The following ASIC2 variants were observed in gnomAD, a reference collection of about 807,000 sequenced individuals.
The protein encoded by ASIC2 is acid-sensing ion channel 2.
In ASIC2, 25 loss-of-function variants were observed where a neutral mutation model predicts 57.3. That is an observed-to-expected ratio of 0.44 (90% CI 0.32 to 0.61). ASIC2 has a LOEUF of 0.61. ASIC2 is among the 20% of genes least tolerant of loss of function. The pLI is 0.06. For synonymous variants in ASIC2, 319 were observed against 307.5 expected (o/e 1.04, Z -0.39); for missense variants, 641 against 738.1 (o/e 0.87, Z 1.52).
At chr17:33,289,269 G>A (rs779516810) in intron 1 of ASIC2, among the ~76,000 whole-genome samples, 2 of 152,212 alleles carry the variant, frequency 1.3e-5, no homozygotes, top group African/African-American at 2.4e-5. Context: ...GGAGGTAAGA[G>A]AAGGGTGTGC....
chr17:33,788,062 G>A (rs1226178537), intron 1 of ASIC2, among the ~76,000 whole-genome samples: 1 of 152,030 alleles, frequency 6.6e-6, no homozygotes. Flanking sequence ...TTGACAAATG[G>A]GATCTAATTA....
intron 1 of ASIC2, among the ~76,000 whole-genome samples, chr17:33,810,890 C>CACAT (rs1397568340): frequency 2.0e-5 from 3 of 151,776 alleles, no homozygotes; most frequent in Non-Finnish European, 4.4e-5. Flanking sequence ...CACACACACA[C>CACAT]ACACACGTGC....
chr17:33,549,721 A>T (rs1011759620), intron 1 of ASIC2, among the ~76,000 whole-genome samples: 2 of 152,124 alleles, frequency 1.3e-5, no homozygotes, highest in Non-Finnish European at 2.9e-5. Flanking sequence ...TCCTTTAGGG[A>T]AATCTGTGAA....
chr17:33,979,770 C>T (rs1443660286), intron 1 of ASIC2, among the ~76,000 whole-genome samples: 7 of 152,272 alleles, frequency 4.6e-5, no homozygotes, highest in African/African-American at 1.2e-4. Context: ...AAGTGGCCAG[C>T]CCTTGACCTA....
intron 1 of ASIC2, among the ~76,000 whole-genome samples, chr17:33,537,891 G>T (rs963577423): frequency 6.6e-6 from 1 of 152,216 alleles, no homozygotes; most frequent in Non-Finnish European, 1.5e-5. Flanking sequence ...GATCTAGATA[G>T]ATTTAGCCTA....
intron 1 of ASIC2, among the ~76,000 whole-genome samples, chr17:33,575,579 T>C (rs970074204): frequency 2.6e-5 from 4 of 152,098 alleles, no homozygotes; most frequent in Non-Finnish European, 5.9e-5. Context: ...CTACCTATGG[T>C]TTGTCCTCTT....
At chr17:33,635,859 T>C (rs1479451546) in intron 1 of ASIC2, among the ~76,000 whole-genome samples, 6 of 152,074 alleles carry the variant, frequency 3.9e-5, no homozygotes, top group African/African-American at 1.4e-4. Context: ...CACATAAGGG[T>C]ATGCTAAGGC....
chr17:33,494,934 C>T (rs1913879894), intron 1 of ASIC2, among the ~76,000 whole-genome samples: 1 of 152,188 alleles, frequency 6.6e-6, no homozygotes, highest in Admixed American at 6.5e-5. Context: ...TGCTGTGCTC[C>T]AGGGTCTCTC....
At chr17:33,872,290 G>A (rs1394479878) in intron 1 of ASIC2, among the ~76,000 whole-genome samples, 1 of 152,096 alleles carries the variant, frequency 6.6e-6, no homozygotes, top group Non-Finnish European at 1.5e-5. Context: ...CAAGATAGAG[G>A]GAAGCCAAGA....
intron 3 of ASIC2, among the ~76,000 whole-genome samples, chr17:33,078,586 C>G (rs892033575): frequency 6.6e-6 from 1 of 152,206 alleles, no homozygotes; most frequent in African/African-American, 2.4e-5. Flanking sequence ...TGCTACCAGA[C>G]AAATAATAGC....
chr17:33,978,559 G>A (rs75212979), intron 1 of ASIC2, among the ~76,000 whole-genome samples: 1,556 of 152,350 alleles, frequency 0.01, 9 homozygotes, highest in Non-Finnish European at 0.017. Context: ...CACACTCACA[G>A]CCAGCTAAAG....
intron 1 of ASIC2, among the ~76,000 whole-genome samples, chr17:33,780,705 A>AC (rs1458225029): frequency 6.6e-6 from 1 of 152,162 alleles, no homozygotes; most frequent in Non-Finnish European, 1.5e-5. Context: ...TGTCCCCAGA[A>AC]CCCAGGTACC....
intron 1 of ASIC2, among the ~76,000 whole-genome samples, chr17:33,125,381 T>C (rs1172951618): frequency 6.6e-6 from 1 of 152,256 alleles, no homozygotes; most frequent in Non-Finnish European, 1.5e-5. Context: ...CATGCCTTAC[T>C]GTCTCATCCT....
intron 1 of ASIC2, among the ~76,000 whole-genome samples, chr17:33,301,105 C>A (rs1045974946): frequency 6.6e-6 from 1 of 151,986 alleles, no homozygotes; most frequent in East Asian, 1.9e-4. Context: ...TCTCGACTCA[C>A]GGCAACCTCC....
intron 1 of ASIC2, among the ~76,000 whole-genome samples, chr17:34,137,153 T>C (rs986301775): frequency 1.3e-5 from 2 of 152,216 alleles, no homozygotes; most frequent in Non-Finnish European, 2.9e-5. Flanking sequence ...TTAAAATTAT[T>C]TGTTTGTATA....
intron 1 of ASIC2, among the ~76,000 whole-genome samples, chr17:33,674,057 C>T (rs1353642946): frequency 6.6e-6 from 1 of 152,090 alleles, no homozygotes; most frequent in Non-Finnish European, 1.5e-5. Flanking sequence ...CCAAGCCCAG[C>T]TAATTTTTTT....
chr17:33,782,350 T>C (rs1199822965), intron 1 of ASIC2, among the ~76,000 whole-genome samples: 2 of 151,966 alleles, frequency 1.3e-5, no homozygotes, highest in Non-Finnish European at 2.9e-5. Flanking sequence ...AGGTTTAGAT[T>C]GAAGTTCCTT....
At chr17:33,210,201 A>G (rs1439778157) in intron 1 of ASIC2, among the ~76,000 whole-genome samples, 3 of 152,226 alleles carry the variant, frequency 2.0e-5, no homozygotes, top group African/African-American at 7.2e-5. Flanking sequence ...ATTACTCTGC[A>G]TAATGAAACA....
At chr17:33,015,321 A>G (rs1470140835) in intron 9 of ASIC2, among the ~76,000 whole-genome samples, 1 of 152,150 alleles carries the variant, frequency 6.6e-6, no homozygotes, top group African/African-American at 2.4e-5. Flanking sequence ...GAGTTTTGGA[A>G]GCAGAATGAC....
Sources: allele counts gnomAD v4.1 joint callset (sites outside exome capture counted in the v4.1 genomes callset), GRCh38; gene constraint gnomAD v4.1.1; transcripts MANE v1.5; gene names NCBI Gene and HGNC (gene_info 2026-07-23, HGNC 2026-07-21).